Variants in PTPRN2 observed in about 807,000 individuals in gnomAD.
The protein encoded by PTPRN2 is protein tyrosine phosphatase receptor type N2, also known as receptor-type tyrosine-protein phosphatase N2.
In PTPRN2, 74 loss-of-function variants were observed where a neutral mutation model predicts 118.8. The observed-to-expected ratio is 0.62, with a 90% CI of 0.52 to 0.76. PTPRN2 has a LOEUF of 0.76. PTPRN2 is among the 30% of genes least tolerant of loss of function. PTPRN2 has a pLI of 0.00. For synonymous variants in PTPRN2, 641 were observed against 608.0 expected (o/e 1.05, Z -0.80); for missense variants, 1,481 against 1,394.4 (o/e 1.06, Z -0.99).
chr7:158,516,516 A>C (rs1423785551), intron 1 of PTPRN2, among the ~76,000 whole-genome samples: 2 of 150,396 alleles, frequency 1.3e-5, no homozygotes, highest in Admixed American at 6.6e-5. Flanking sequence ...CTTTCTGCCT[A>C]TTGTTCTTGG....
chr7:158,186,058 G>A lies in PTPRN2; in HGVS notation c.549+6269C>T, dbSNP rs185521586. Reference sequence around the variant, plus strand: ...TAGTGCCGCATCTCACATACTCAGCGAAAGCCCACAGGAAAGAGGCGGGGG... The same window carrying A: ...TAGTGCCGCATCTCACATACTCAGCAAAAGCCCACAGGAAAGAGGCGGGGG... On this transcript the variant is annotated intron_variant, in intron 5 of 22. Coordinates refer to ENST00000389418, the MANE Select transcript of PTPRN2 (RefSeq NM_002847.5). Among the ~76,000 whole-genome samples the A allele has an allele frequency of 3.9e-5, 6 of 152,248 alleles. No individual in the cohort carries two copies. The East Asian group carries it at 7.7e-4, about 20-fold the overall frequency.
chr7:158,182,120 C>T (rs971684786), intron 5 of PTPRN2, among the ~76,000 whole-genome samples: 2 of 152,174 alleles, frequency 1.3e-5, no homozygotes, highest in Non-Finnish European at 2.9e-5. Context: ...TCACTATTAT[C>T]ATTCATTTCA....
At chr7:157,685,708 C>G (rs1777548996) in intron 12 of PTPRN2, among the ~76,000 whole-genome samples, 1 of 152,292 alleles carries the variant, frequency 6.6e-6, no homozygotes, top group African/African-American at 2.4e-5. Context: ...TGGAGGCCTC[C>G]CTTGGCGCGC....
intron 9 of PTPRN2, among the ~76,000 whole-genome samples, chr7:158,132,810 TAC>T (rs1312801519): frequency 1.3e-5 from 2 of 150,574 alleles, no homozygotes; most frequent in South Asian, 2.1e-4. Context: ...CGTATGCAGA[TAC>T]ACACACATCT....
At chr7:157,822,197 C>T (rs1316162700) in intron 12 of PTPRN2, among the ~76,000 whole-genome samples, 4 of 151,884 alleles carry the variant, frequency 2.6e-5, no homozygotes, top group South Asian at 2.1e-4. Flanking sequence ...AATACTCATC[C>T]ATCCATCTAT....
chr7:158,129,354 CCACACAG>C (rs765026790), intron 9 of PTPRN2, among the ~76,000 whole-genome samples: 84 of 151,026 alleles, frequency 5.6e-4, no homozygotes, highest in Middle Eastern at 3.4e-3. Flanking sequence ...ATAACACACA[CCACACAG>C]CACACCACAC....
rs1208599575 is a variant in PTPRN2 at position 158,574,039 on chromosome 7, T to C, written c.112+13519A>G. Among the ~76,000 whole-genome samples the C allele has an allele frequency of 6.6e-6, 1 of 152,224 alleles. No homozygotes were observed. On this transcript the variant is annotated intron_variant, in intron 1 of 22. Coordinates refer to ENST00000389418, the MANE Select transcript of PTPRN2 (RefSeq NM_002847.5). The surrounding 1 kb of genome is among the most constrained non-coding windows in gnomAD (Gnocchi z 4.6). ...TGTACTTCCAATGGGAGCTCTTCTTTAGACACATTTTGAAGTGGAAAGCAT... is the reference window on the plus strand; with the variant it reads ...TGTACTTCCAATGGGAGCTCTTCTTCAGACACATTTTGAAGTGGAAAGCAT...
At chr7:158,177,656 C>A (rs1248110541) in intron 5 of PTPRN2, among the ~76,000 whole-genome samples, 1 of 152,188 alleles carries the variant, frequency 6.6e-6, no homozygotes, top group Non-Finnish European at 1.5e-5. Context: ...CCTCTTTTGT[C>A]TTTTGGTCAA....
chr7:158,387,307 T>A (rs1249599969), intron 2 of PTPRN2, among the ~76,000 whole-genome samples: 1 of 152,156 alleles, frequency 6.6e-6, no homozygotes, highest in Non-Finnish European at 1.5e-5. Context: ...TGAAATCACA[T>A]CTGCAAGCCA....
At chr7:158,505,890 C>T (rs1284858225) in intron 1 of PTPRN2, among the ~76,000 whole-genome samples, 1 of 152,220 alleles carries the variant, frequency 6.6e-6, no homozygotes, top group Non-Finnish European at 1.5e-5. Flanking sequence ...CCAGTAATCC[C>T]AAGTGGTGGC....
chr7:157,836,611 G>GAGAC (rs139103264), intron 12 of PTPRN2, among the ~76,000 whole-genome samples: 4 of 150,276 alleles, frequency 2.7e-5, no homozygotes, highest in Admixed American at 2.0e-4. Flanking sequence ...GCAAAATAAA[G>GAGAC]ACACACACAC....
chr7:158,434,209 T>C (rs1372573874), intron 2 of PTPRN2, among the ~76,000 whole-genome samples: 2 of 152,192 alleles, frequency 1.3e-5, no homozygotes, highest in African/African-American at 4.8e-5. Context: ...TCAAGGCCAT[T>C]AATCCCGTTC....
Position 158,541,459 on chromosome 7 carries a change from G to T in PTPRN2, c.112+46099C>A, listed in dbSNP as rs779859951. On this transcript the variant is annotated intron_variant, in intron 1 of 22. Transcript: ENST00000389418. ...ATCTGCACCAGACACTGCCACCGAG[G>T]GTCCACTGGCTCCGTCCTCTCCCTC... is the stretch of plus-strand genomic sequence containing the variant. The T allele has an allele frequency of 2.2e-6, 3 of 1,351,832 alleles. No individual in the cohort carries two copies. The East Asian group carries it at 1.4e-4, about 61-fold the overall frequency. The allele number at this position is 1,351,832 out of a possible 1,614,324, so 83.7% of individuals were successfully genotyped here.
At chr7:157,980,945 C>T (rs1803091728) in intron 11 of PTPRN2, among the ~76,000 whole-genome samples, 1 of 151,582 alleles carries the variant, frequency 6.6e-6, no homozygotes, top group African/African-American at 2.4e-5. Flanking sequence ...GATAAGTAGC[C>T]AGTTCCCACC....
intron 2 of PTPRN2, among the ~76,000 whole-genome samples, chr7:158,401,302 T>A (rs565481211): frequency 2.1e-4 from 32 of 152,352 alleles, no homozygotes; most frequent in African/African-American, 7.7e-4. Flanking sequence ...TTCCTCTTTT[T>A]CCAGCAGTGA....
chr7:157,837,145 A>G (rs928373644), intron 12 of PTPRN2, among the ~76,000 whole-genome samples: 5,217 of 39,634 alleles, frequency 0.13, 8 homozygotes, highest in Middle Eastern at 0.16. Context: ...CCATCCACAC[A>G]TCCGCCCTTC....
intron 1 of PTPRN2, among the ~76,000 whole-genome samples, chr7:158,580,010 G>T (rs1177249000): frequency 6.6e-6 from 1 of 152,222 alleles, no homozygotes; most frequent in Non-Finnish European, 1.5e-5. Context: ...GAAAAGCAGA[G>T]AAAGAGATTC....
intron 11 of PTPRN2, among the ~76,000 whole-genome samples, chr7:157,961,218 G>A (rs1029870585): frequency 2.6e-5 from 4 of 151,790 alleles, no homozygotes; most frequent in Non-Finnish European, 5.9e-5. Flanking sequence ...TTTCACAATG[G>A]CACACAATAT....
chr7:157,742,704 C>A (rs981773842), intron 12 of PTPRN2, among the ~76,000 whole-genome samples: 1 of 152,204 alleles, frequency 6.6e-6, no homozygotes, highest in Non-Finnish European at 1.5e-5. Flanking sequence ...CTGTCTGTTG[C>A]TGTTCTTTGT....
Sources: allele counts gnomAD v4.1 joint callset (sites outside exome capture counted in the v4.1 genomes callset), GRCh38; gene constraint gnomAD v4.1.1; non-coding constraint Gnocchi (gnomAD v3.1); transcripts MANE v1.5; gene names NCBI Gene and HGNC (gene_info 2026-07-23, HGNC 2026-07-21).